Variants in ITGAM observed in about 807,000 individuals in gnomAD.
ITGAM encodes integrin subunit alpha M.
Under a neutral mutation model 137.5 loss-of-function variants are expected in ITGAM, and 79 were observed. That is an observed-to-expected ratio of 0.57 (90% CI 0.48 to 0.69). ITGAM has a LOEUF of 0.69. ITGAM is among the 30% of genes least tolerant of loss of function. The pLI is 0.00. For missense variants in ITGAM, 1,343 were observed against 1,483.5 expected (o/e 0.91, Z 1.56); for synonymous variants, 583 against 592.3 (o/e 0.98, Z 0.23).
chr16:31,263,702 G>T (rs2079731323), intron 2 of ITGAM, among the ~76,000 whole-genome samples: 1 of 146,838 alleles, frequency 6.8e-6, no homozygotes, highest in Admixed American at 6.8e-5. Context: ...CAAGCTTTGA[G>T]TACACTGAGG....
chr16:31,327,557 G>T (rs1478825265), intron 22 of ITGAM, among the ~76,000 whole-genome samples: 1 of 151,812 alleles, frequency 6.6e-6, no homozygotes, highest in Non-Finnish European at 1.5e-5. Flanking sequence ...TGGTGCCACT[G>T]CACTCCAGCC....
intron 2 of ITGAM, among the ~76,000 whole-genome samples, chr16:31,262,591 G>T (rs943990972): frequency 4.6e-5 from 7 of 151,714 alleles, no homozygotes; most frequent in Non-Finnish European, 8.8e-5. Context: ...TTTTTGTATA[G>T]ACGAGGTCTC....
chr16:31,289,029 G>C (rs1205338590), intron 12 of ITGAM, among the ~76,000 whole-genome samples: 2 of 152,212 alleles, frequency 1.3e-5, no homozygotes, highest in Non-Finnish European at 2.9e-5. Context: ...GGCCATCAGA[G>C]AAATGCAAAT....
intron 14 of ITGAM, among the ~76,000 whole-genome samples, chr16:31,308,845 TG>T: frequency 6.6e-6 from 1 of 151,140 alleles, no homozygotes; most frequent in Non-Finnish European, 1.5e-5. Flanking sequence ...GATTTTGGTA[TG>T]TTGTGTCTTT....
At chr16:31,317,686 A>G (rs980490204) in intron 14 of ITGAM, among the ~76,000 whole-genome samples, 4 of 152,068 alleles carry the variant, frequency 2.6e-5, no homozygotes, top group Non-Finnish European at 5.9e-5. Context: ...TGTTATTTTT[A>G]TTCCTTATTC....
chr16:31,331,656 A>T lies in ITGAM; in HGVS notation c.3408A>T (p.Gln1136His), dbSNP rs757509276. ...ALYKLGFFKRQYKDMMSEGGP... is the reference protein window; with the variant it reads ...ALYKLGFFKRHYKDMMSEGGP... ...CGCAGCTCGGCTTCTTCAAGCGGCAATACAAGGACATGATGAGTGAAGGGG... is the reference window on the plus strand; with the variant it reads ...CGCAGCTCGGCTTCTTCAAGCGGCATTACAAGGACATGATGAGTGAAGGGG... Residue 1136 changes from glutamine to histidine, a missense_variant, in exon 30 of 30, where the codon CAA becomes CAT. By Grantham distance (24) the Gln-to-His change is conservative (BLOSUM62 0). Transcript: ENST00000544665. The T allele has an allele frequency of 1.2e-6, 2 of 1,610,074 alleles. No individual in the cohort carries two copies. The highest frequency in any genetic ancestry group is 2.2e-5 in the South Asian group (2 of 90,090).
intron 5 of ITGAM, among the ~76,000 whole-genome samples, chr16:31,270,701 A>G (rs11640153): frequency 0.36 from 6,873 of 18,956 alleles, 500 homozygotes; most frequent in Non-Finnish European, 0.39. Context: ...GTGTGTGTGT[A>G]TATATATATA....
intron 14 of ITGAM, among the ~76,000 whole-genome samples, chr16:31,303,534 G>A (rs1315101250): frequency 6.6e-6 from 1 of 152,070 alleles, no homozygotes; most frequent in Non-Finnish European, 1.5e-5. Flanking sequence ...TGAATTCTGA[G>A]ATTTTAGTGC....
At position 31,328,143 on chromosome 16, in the gene ITGAM, C is replaced by G. The variant is rs772751494; in HGVS notation, c.2709-4C>G. ...GCCGGCTGGAGCTCTTTCTTTCCCT[C>G]CAGTGAGAACAACATGCCCAGAACC... On this transcript the variant is annotated splice_polypyrimidine_tract_variant and splice_region_variant and intron_variant, in intron 22 of 29. Transcript: ENST00000544665. 4.3e-6 allele frequency: 7 copies of G among 1,612,588 alleles called. No individual in the cohort carries two copies. Among genetic ancestry groups the G allele is most frequent in the Non-Finnish European group, 5.1e-6 (6 of 1,178,790 alleles).
chr16:31,302,409 TTTCTTTCTTTCTTTCTTTC>T (rs1446493527), intron 14 of ITGAM, among the ~76,000 whole-genome samples: 3 of 100,066 alleles, frequency 3.0e-5, no homozygotes, highest in African/African-American at 6.0e-5. Context: ...TCTTTTCTTT[TTTCTTTCTTTCTTTCTTTC>T]TTCTTTCTTT....
chr16:31,306,207 C>T (rs974438183), intron 14 of ITGAM, among the ~76,000 whole-genome samples: 2 of 152,128 alleles, frequency 1.3e-5, no homozygotes, highest in Non-Finnish European at 2.9e-5. Context: ...AATGATTTAG[C>T]AGGCCATCCT....
chr16:31,278,914 T>G (rs2144317765), intron 12 of ITGAM, among the ~76,000 whole-genome samples: 1 of 152,196 alleles, frequency 6.6e-6, no homozygotes, highest in East Asian at 1.9e-4. Context: ...CGGGCCCTGG[T>G]GTGTGATGTT....
At chr16:31,310,110 C>G (rs1291842346) in intron 14 of ITGAM, among the ~76,000 whole-genome samples, 2 of 151,332 alleles carry the variant, frequency 1.3e-5, no homozygotes, top group African/African-American at 2.4e-5. Flanking sequence ...CAACCTTTCT[C>G]TCTGGCTGCC....
intron 12 of ITGAM, among the ~76,000 whole-genome samples, chr16:31,294,272 A>C (rs9925985): frequency 0.4 from 60,633 of 151,868 alleles, 16,318 homozygotes; most frequent in African/African-American, 0.77. Flanking sequence ...ACTTCCAATA[A>C]TATGTTGAAT....
chr16:31,301,828 T>A (rs1461043085), intron 14 of ITGAM, among the ~76,000 whole-genome samples: 2 of 152,224 alleles, frequency 1.3e-5, no homozygotes, highest in Non-Finnish European at 2.9e-5. Flanking sequence ...GTATGAACTG[T>A]GTATCACCCA....
chr16:31,316,959 C>G (rs1408378655), intron 14 of ITGAM, among the ~76,000 whole-genome samples: 1 of 152,116 alleles, frequency 6.6e-6, no homozygotes, highest in Non-Finnish European at 1.5e-5. Flanking sequence ...CATGACTTTA[C>G]TAAATTTGTT....
rs371164374 is a variant in ITGAM at position 31,325,349 on chromosome 16, A to T, written c.2450A>T (p.Gln817Leu). The change falls in exon 20 of 30, where the codon CAG (glutamine) becomes CTG (leucine). Residue 817 changes from glutamine to leucine, a missense_variant. Coordinates refer to ENST00000544665, the MANE Select transcript of ITGAM (RefSeq NM_000632.4). ...RNDGEDSYRT[Q>L]VTFFFPLDLS... The stretch of plus-strand genomic sequence containing the variant: ...GATGGTGAGGACTCCTACAGGACAC[A>T]GGTCACCTTCTTCTTCCCGCTTGAC... 53 of 1,613,808 alleles carry T rather than the reference A, an allele frequency of 3.3e-5. No homozygotes were observed. In the Middle Eastern group the frequency reaches 1.2e-3, roughly 35 times the overall value.
intron 16 of ITGAM, among the ~76,000 whole-genome samples, chr16:31,323,778 C>A (rs568547246): frequency 1.3e-5 from 2 of 152,202 alleles, no homozygotes; most frequent in South Asian, 4.1e-4. Flanking sequence ...TTAATCCTAG[C>A]GCTTTGGGAG....
chr16:31,311,310 T>C (rs1205478614), intron 14 of ITGAM, among the ~76,000 whole-genome samples: 1 of 152,208 alleles, frequency 6.6e-6, no homozygotes, highest in African/African-American at 2.4e-5. Flanking sequence ...AAAGAGCTGC[T>C]GCACAGCAAA....
Sources: gnomAD v4.1 joint callset for allele counts (sites outside exome capture counted in the v4.1 genomes callset) on GRCh38, gnomAD v4.1.1 for gene constraint, MANE v1.5 for transcripts, NCBI Gene and HGNC (gene_info 2026-07-23, HGNC 2026-07-21) for gene names.